Variants in NCKAP1 observed in about 807,000 individuals in gnomAD.
NCKAP1 encodes the protein nck-associated protein 1.
In NCKAP1, 21 loss-of-function variants were observed where a neutral mutation model predicts 151.2. The ratio of observed to expected loss-of-function variants is 0.14; its 90% CI spans 0.10 to 0.20. The LOEUF (loss-of-function observed/expected upper bound fraction) is 0.20, where lower values mean the gene tolerates loss of function less well. Ranked by LOEUF, NCKAP1 falls within the 10% of genes least tolerant of loss-of-function variation. NCKAP1 has a pLI of 1.00. For synonymous variants in NCKAP1, 484 were observed against 451.8 expected (o/e 1.07, Z -0.90); for missense variants, 933 against 1,352.1 (o/e 0.69, Z 4.86).
intron 24 of NCKAP1, chr2:182,935,591 CA>C: frequency 2.8e-6 from 1 of 353,820 alleles, no homozygotes; most frequent in Non-Finnish European, 5.0e-6. Flanking sequence ...TAGTTTCCAT[CA>C]AATGGAGTAT....
At chr2:182,931,116 C>T (rs902504534) in intron 26 of NCKAP1, among the ~76,000 whole-genome samples, 1 of 152,022 alleles carries the variant, frequency 6.6e-6, no homozygotes, top group Non-Finnish European at 1.5e-5. Context: ...AATAAATGAA[C>T]AAAGTGAATC....
At chr2:183,015,834 T>C (rs1575066459) in intron 2 of NCKAP1, among the ~76,000 whole-genome samples, 1 of 142,320 alleles carries the variant, frequency 7.0e-6, no homozygotes, top group Non-Finnish European at 1.5e-5. Flanking sequence ...TTTGACAACA[T>C]GAGAAGAAAA....
chr2:182,982,232 C>T (rs1049042890), intron 12 of NCKAP1, among the ~76,000 whole-genome samples: 4 of 152,080 alleles, frequency 2.6e-5, no homozygotes, highest in Non-Finnish European at 5.9e-5. Flanking sequence ...ACAAAGCATA[C>T]TACGAGAAAA....
chr2:183,016,630 A>C (rs1698693469), intron 2 of NCKAP1, among the ~76,000 whole-genome samples: 1 of 152,232 alleles, frequency 6.6e-6, no homozygotes. Context: ...ATTATTTTAC[A>C]GTAAGGTGAT....
rs758652056 is a variant in NCKAP1 at position 182,982,838 on chromosome 2, T to C, written c.1191A>G (p.Ala397=). The change falls in exon 12 of 31, where the codon GCA becomes GCG. Residue 397 remains alanine (A), a synonymous_variant. Transcript: ENST00000361354. The part of the protein sequence containing the change: ...RHADNMPKKS[A]DDFIDKHIAE... ...TAACTTACTTATCTATAAAGTCGTCTGCACTCTTCTTTGGCATGTTATCTG... is the reference window on the plus strand; with the variant it reads ...TAACTTACTTATCTATAAAGTCGTCCGCACTCTTCTTTGGCATGTTATCTG... The C allele has an allele frequency of 1.9e-6, 3 of 1,607,274 alleles. No homozygotes were observed. Among genetic ancestry groups the C allele is most frequent in the African/African-American group, 1.3e-5 (1 of 74,756 alleles).
intron 17 of NCKAP1, among the ~76,000 whole-genome samples, chr2:182,963,265 G>A (rs1697494313): frequency 6.6e-6 from 1 of 152,024 alleles, no homozygotes; most frequent in African/African-American, 2.4e-5. Context: ...AATAAACAGT[G>A]TTTTGTTTAA....
Position 182,960,950 on chromosome 2 carries a change from C to CAT in NCKAP1, c.1881+1207_1881+1208dup, listed in dbSNP as rs544757858. Among the ~76,000 whole-genome samples, 54 of 152,314 alleles carry CAT rather than the reference C, an allele frequency of 3.5e-4. No homozygotes were observed. In the Middle Eastern group the frequency reaches 0.01, roughly 29 times the overall value. On this transcript the variant is annotated intron_variant, in intron 18 of 30. Transcript: ENST00000361354. Reference sequence around the variant, plus strand: ...TAAACAGACACTTCTCAGAAGAAGACATTTATGCAGCCAAAAGACACATGA... The same window carrying CAT: ...TAAACAGACACTTCTCAGAAGAAGACATATTTATGCAGCCAAAAGACACATGA...
rs1433941346 is a variant in NCKAP1, at chr2:182,918,338, G to C, written c.*7364C>G. The stretch of plus-strand genomic sequence containing the variant: ...ATTTGATCCAGCAATCCTACTACTG[G>C]GTATCTACCCAAAGGAAGTCAATAT... On this transcript the variant is annotated 3_prime_UTR_variant, in exon 31 of 31. Coordinates refer to ENST00000361354, the MANE Select transcript of NCKAP1 (RefSeq NM_013436.5). 1.3e-5 allele frequency: 2 copies of C among 151,826 alleles called. No homozygotes were observed. Among genetic ancestry groups the C allele is most frequent in the Admixed American group, 6.6e-5 (1 of 15,254 alleles). 9.4% of individuals were successfully genotyped at this position (151,826 alleles called of 1,614,324 possible).
chr2:182,978,494 G>A (rs2105849987), intron 14 of NCKAP1, among the ~76,000 whole-genome samples: 1 of 152,258 alleles, frequency 6.6e-6, no homozygotes, highest in Admixed American at 6.5e-5. Context: ...TAATATATAT[G>A]TAAAGTGCCT....
chr2:183,009,420 AG>A (rs778201487), intron 2 of NCKAP1, among the ~76,000 whole-genome samples: 1 of 117,994 alleles, frequency 8.5e-6, no homozygotes, highest in Non-Finnish European at 1.8e-5. Context: ...GAAAGAGGGA[AG>A]GGAAGGAAGG....
Position 182,960,880 on chromosome 2 carries a change from A to G in NCKAP1, c.1881+1279T>C, listed in dbSNP as rs528422566. Among the ~76,000 whole-genome samples, 31 of 150,230 alleles carry G rather than the reference A, an allele frequency of 2.1e-4. 1 individual carries two copies. Among genetic ancestry groups the G allele is most frequent in the African/African-American group, 7.3e-4 (30 of 41,314 alleles). On this transcript the variant is annotated intron_variant, in intron 18 of 30. Coordinates refer to ENST00000361354, the MANE Select transcript of NCKAP1 (RefSeq NM_013436.5). ...GAATCTACAATGAACTCAAACAAAT[A>G]TACAAGAAAAACAAACAACCCCATC...
intron 6 of NCKAP1, among the ~76,000 whole-genome samples, chr2:182,996,549 CCAGGTT>C (rs1698273622): frequency 6.6e-6 from 1 of 152,194 alleles, no homozygotes. Flanking sequence ...GCTCCGCCTC[CCAGGTT>C]CACGCCATTC....
rs1012238771 is a variant in NCKAP1, at chr2:182,953,337, A to C, written c.2154-6T>G. The C allele has an allele frequency of 9.4e-6, 15 of 1,597,742 alleles. No individual in the cohort carries two copies. Among genetic ancestry groups the C allele is most frequent in the Non-Finnish European group, 1.3e-5 (15 of 1,167,602 alleles). On this transcript the variant is annotated splice_region_variant and splice_polypyrimidine_tract_variant and intron_variant, in intron 20 of 30. Transcript: ENST00000361354. ...TAGTCATCCCAACAATTGACCTGGG[A>C]AGAAGGGATAGAAGAATAAGAAAAG...
chr2:182,989,668 C>T (rs573140513), intron 8 of NCKAP1, among the ~76,000 whole-genome samples: 14 of 152,024 alleles, frequency 9.2e-5, no homozygotes, highest in Non-Finnish European at 1.6e-4. Flanking sequence ...GTCGAGGTTG[C>T]GCCACTGCAC....
chr2:182,965,454 G>A (rs1697550542), intron 16 of NCKAP1, among the ~76,000 whole-genome samples: 1 of 151,956 alleles, frequency 6.6e-6, no homozygotes, highest in Non-Finnish European at 1.5e-5. Flanking sequence ...CTCCCATGGT[G>A]CTGAAATTGC....
intron 15 of NCKAP1, among the ~76,000 whole-genome samples, chr2:182,972,247 A>AAAC (rs1697715017): frequency 5.3e-5 from 5 of 94,600 alleles, no homozygotes; most frequent in Admixed American, 1.1e-4. Context: ...AAAAAAAAAC[A>AAAC]AAACTGATTT....
chr2:182,935,348 G>A lies in NCKAP1; in HGVS notation c.2723C>T (p.Thr908Ile), dbSNP rs1478087182. 4 of 1,586,080 alleles carry A rather than the reference G, an allele frequency of 2.5e-6. No individual in the cohort carries two copies. Among genetic ancestry groups the A allele is most frequent in the Admixed American group, 1.9e-5 (1 of 53,790 alleles). ...GAAGGATAAAATTACACCAATTATT[G>A]TCATCCTCTTCAAGACACTGTCAAC... ...SSVDSVLKRM[T>I]IIGVILSFRS... Residue 908 changes from threonine (T) to isoleucine (I), a missense_variant, in exon 25 of 31, where the codon ACA becomes ATA. Around this residue, in one of 2 missense-constraint regions of NCKAP1, gnomAD observed 326 missense variants for 557.1 expected, o/e 0.59. Transcript: ENST00000361354.
At chr2:182,946,549 G>A (rs1292971945) in intron 23 of NCKAP1, among the ~76,000 whole-genome samples, 3 of 151,508 alleles carry the variant, frequency 2.0e-5, no homozygotes, top group Non-Finnish European at 2.9e-5. Flanking sequence ...CATGTCATTC[G>A]CCCATATAAC....
Position 182,933,754 on chromosome 2 carries a change from A to G in NCKAP1, c.2859+998T>C, listed in dbSNP as rs80136038. On this transcript the variant is annotated intron_variant, in intron 26 of 30. Coordinates refer to ENST00000361354, the MANE Select transcript of NCKAP1 (RefSeq NM_013436.5). ...TTCAGAAGAGTCTTGGTGTCATACAAAGGAGTTTAGACACTATTTTTTTCA... is the reference window on the plus strand; with the variant it reads ...TTCAGAAGAGTCTTGGTGTCATACAGAGGAGTTTAGACACTATTTTTTTCA... 5.4e-3 allele frequency among the ~76,000 whole-genome samples: 816 copies of G among 152,168 alleles called. 4 individuals carry two copies. The highest frequency in any genetic ancestry group is 0.019 in the African/African-American group (775 of 41,498).
Sources: allele counts gnomAD v4.1 joint callset (sites outside exome capture counted in the v4.1 genomes callset), GRCh38; gene constraint gnomAD v4.1.1; regional missense constraint gnomAD v4.1.1; transcripts MANE v1.5; gene names NCBI Gene and HGNC (gene_info 2026-07-23, HGNC 2026-07-21).